MORC1: variants seen among roughly 807,000 people sequenced by gnomAD.
MORC1 encodes the protein MORC family CW-type zinc finger protein 1.
MORC1 carries 59 observed loss-of-function variants against 134.9 expected under a neutral mutation model. The ratio of observed to expected loss-of-function variants is 0.44; its 90% CI spans 0.35 to 0.54. The LOEUF (loss-of-function observed/expected upper bound fraction) is 0.54. Among genes scored for constraint, MORC1 ranks in the 20% least tolerant of loss-of-function variants. The probability of loss-of-function intolerance (pLI) is 0.00; values close to 1 mark genes in which losing one functional copy is unlikely to be tolerated. For missense variants in MORC1, 947 were observed against 1,134.5 expected (o/e 0.83, Z 2.37); for synonymous variants, 395 against 391.7 (o/e 1.01, Z -0.10).
chr3:109,067,838 G>T (rs1950232754), intron 9 of MORC1, among the ~76,000 whole-genome samples: 1 of 152,154 alleles, frequency 6.6e-6, no homozygotes, highest in African/African-American at 2.4e-5. Context: ...GGAGTATGAT[G>T]CAGAGATCTA....
At chr3:108,967,307 G>T (rs1947248860) in intron 26 of MORC1, among the ~76,000 whole-genome samples, 1 of 152,132 alleles carries the variant, frequency 6.6e-6, no homozygotes, top group African/African-American at 2.4e-5. Context: ...ATATAAGCTT[G>T]GATAAACAGC....
intron 17 of MORC1, among the ~76,000 whole-genome samples, chr3:109,009,726 T>A (rs535623275): frequency 2.0e-5 from 3 of 152,312 alleles, no homozygotes; most frequent in East Asian, 1.9e-4. Flanking sequence ...ATCTATATTT[T>A]TTTTTTACAG....
intron 17 of MORC1, among the ~76,000 whole-genome samples, chr3:109,010,799 T>G (rs561085482): frequency 3.5e-4 from 54 of 152,296 alleles, no homozygotes; most frequent in African/African-American, 1.3e-3. Context: ...GAATAATTAT[T>G]TAAAAACTCA....
chr3:109,101,427 T>C (rs1306093617), intron 4 of MORC1: 2 of 152,234 alleles, frequency 1.3e-5, no homozygotes, highest in Non-Finnish European at 2.9e-5. Context: ...CTTCAGAATA[T>C]ATTAATACCA....
chr3:109,089,868 T>C (rs1950682437), intron 8 of MORC1, among the ~76,000 whole-genome samples: 1 of 152,150 alleles, frequency 6.6e-6, no homozygotes, highest in African/African-American at 2.4e-5. Context: ...AGTTATTTTT[T>C]GTATCTTCTT....
At chr3:109,059,014 G>A (rs1422085392) in intron 12 of MORC1, among the ~76,000 whole-genome samples, 1 of 151,962 alleles carries the variant, frequency 6.6e-6, no homozygotes, top group Non-Finnish European at 1.5e-5. Context: ...CAATTTCTAT[G>A]ACATTTATTT....
intron 8 of MORC1, among the ~76,000 whole-genome samples, chr3:109,074,383 C>T (rs1014138136): frequency 4.6e-5 from 7 of 151,910 alleles, no homozygotes; most frequent in Non-Finnish European, 7.4e-5. Flanking sequence ...TCACTGAAAG[C>T]AACATGAGCA....
At chr3:108,970,106 G>T (rs1947336104) in intron 25 of MORC1, among the ~76,000 whole-genome samples, 2 of 151,934 alleles carry the variant, frequency 1.3e-5, no homozygotes, top group South Asian at 4.1e-4. Flanking sequence ...ACTGGCATGT[G>T]GGGGGTAGTA....
chr3:109,014,086 T>C (rs1038147948), intron 17 of MORC1, among the ~76,000 whole-genome samples: 3 of 152,220 alleles, frequency 2.0e-5, no homozygotes, highest in Non-Finnish European at 2.9e-5. Flanking sequence ...AGTTTCCTAG[T>C]TTGACTAAAA....
At chr3:109,103,703 C>T in intron 4 of MORC1, 146 bp downstream of exon 4, 2 of 626,870 alleles carry the variant, frequency 3.2e-6, no homozygotes, top group African/African-American at 1.9e-5. Flanking sequence ...GATACTTAAA[C>T]CTAAAAAGTT....
chr3:109,093,378 G>T, intron 8 of MORC1, 58 bp downstream of exon 8: 1 of 1,300,300 alleles, frequency 7.7e-7, no homozygotes, highest in Non-Finnish European at 1.1e-6. Flanking sequence ...AGGATGCAGG[G>T]CTCCTAACTC....
At chr3:109,009,353 A>G (rs1347552764) in intron 17 of MORC1, among the ~76,000 whole-genome samples, 1 of 151,510 alleles carries the variant, frequency 6.6e-6, no homozygotes, top group East Asian at 1.9e-4. Flanking sequence ...CTACAGGCGC[A>G]TGCCACCACG....
intron 14 of MORC1, among the ~76,000 whole-genome samples, chr3:109,040,406 A>AAGAAAGAAAG (rs1949491223): frequency 4.6e-5 from 1 of 21,686 alleles, no homozygotes; most frequent in African/African-American, 1.1e-4. Context: ...AAGAAAGAGA[A>AAGAAAGAAAG]GGAAGGAAGG....
chr3:109,030,098 T>C (rs1421816976), intron 16 of MORC1, among the ~76,000 whole-genome samples: 2 of 152,228 alleles, frequency 1.3e-5, no homozygotes, highest in African/African-American at 2.4e-5. Flanking sequence ...CTGTTGGTAA[T>C]GGCCTTGCTG....
chr3:109,027,627 T>C, intron 17 of MORC1, 124 bp downstream of exon 17: 1 of 1,325,080 alleles, frequency 7.5e-7, no homozygotes. Flanking sequence ...TTAAAAGATG[T>C]CAAAAAGGAC....
At chr3:109,050,812 A>G (rs1949806360) in intron 14 of MORC1, among the ~76,000 whole-genome samples, 1 of 152,188 alleles carries the variant, frequency 6.6e-6, no homozygotes, top group East Asian at 1.9e-4. Context: ...GGTGGCCTGC[A>G]TTCAGTCTTA....
chr3:109,075,521 A>G (rs1950402095), intron 8 of MORC1, among the ~76,000 whole-genome samples: 1 of 152,202 alleles, frequency 6.6e-6, no homozygotes, highest in African/African-American at 2.4e-5. Context: ...GCATATGGCT[A>G]GCCAATTTTC....
chr3:109,035,583 A>T, intron 14 of MORC1, 115 bp from the exon 15 acceptor site: 1 of 561,648 alleles, frequency 1.8e-6, no homozygotes, highest in Non-Finnish European at 2.9e-6. Context: ...GTATTAATAC[A>T]TATACAGAAA....
intron 24 of MORC1, among the ~76,000 whole-genome samples, chr3:108,975,630 T>C (rs1312156090): frequency 2.0e-5 from 3 of 152,160 alleles, no homozygotes; most frequent in African/African-American, 7.2e-5. Flanking sequence ...ATGTCTCAGT[T>C]TTCTCATCTG....
Sources: allele counts gnomAD v4.1 joint callset (sites outside exome capture counted in the v4.1 genomes callset), GRCh38; gene constraint gnomAD v4.1.1; transcripts MANE v1.5; gene names NCBI Gene and HGNC (gene_info 2026-07-23, HGNC 2026-07-21).